The following MID1 variants were observed in gnomAD, a reference collection of about 807,000 sequenced individuals.
MID1 encodes the protein E3 ubiquitin-protein ligase Midline-1.
Under a neutral mutation model 40.4 loss-of-function variants are expected in MID1, and 7 were observed. The ratio of observed to expected loss-of-function variants is 0.17; its 90% CI spans 0.10 to 0.33. The LOEUF is 0.33. MID1 is among the 10% of genes least tolerant of loss of function. MID1 has a pLI of 1.00. For synonymous variants in MID1, 229 were observed against 221.2 expected (o/e 1.04, Z -0.31); for missense variants, 367 against 558.5 (o/e 0.66, Z 3.46).
intron 1 of MID1, among the ~76,000 whole-genome samples, chrX:10,793,812 G>A (rs1305550452): frequency 1.8e-5 from 2 of 111,912 alleles, no homozygotes; most frequent in Non-Finnish European, 3.8e-5. Flanking sequence ...TGTCATTCAG[G>A]TCACCTCCAC....
rs190166506 is a variant in MID1 at position 10,465,005 on chromosome X, G to A, written c.1285+4692C>T. 9.8e-4 allele frequency among the ~76,000 whole-genome samples: 107 copies of A among 108,735 alleles called. 1 individual carries two copies. The highest frequency in any genetic ancestry group is 3.4e-3 in the African/African-American group (101 of 29,827). 94.4% of individuals were successfully genotyped at this position (108,735 alleles called of 115,157 possible). A position where few individuals can be genotyped will look rare whatever the true frequency, so the allele number is the denominator to read the frequency against. ...TTGAGACCAGCCTGGCCAACATGGC[G>A]AAATCCCATCTCTACTAAAAATACA... is the stretch of plus-strand genomic sequence containing the variant. On this transcript the variant is annotated intron_variant, in intron 7 of 9. Coordinates refer to ENST00000317552, the MANE Select transcript of MID1 (RefSeq NM_000381.4).
At chrX:10,718,264 T>A (rs1367320114) in intron 1 of MID1, among the ~76,000 whole-genome samples, 1 of 111,643 alleles carries the variant, frequency 9.0e-6, no homozygotes, top group Non-Finnish European at 1.9e-5. Flanking sequence ...AGGAGCTGGT[T>A]TTTTGAAAAG....
intron 1 of MID1, among the ~76,000 whole-genome samples, chrX:10,682,163 G>A (rs2043065548): frequency 9.0e-6 from 1 of 110,760 alleles, no homozygotes. Flanking sequence ...GTTAATATTG[G>A]TTATATTTCT....
rs189321212 is a variant in MID1, at chrX:10,748,038, T to C, written c.-187+85516A>G. ...GATCCATTTAGTGAGCTGGAGATGA[T>C]AATGGTTCATGAGATGCTAGCAGCC... On this transcript the variant is annotated intron_variant, in intron 1 of 10. Transcript: ENST00000380785. Among the ~76,000 whole-genome samples the C allele has an allele frequency of 4.1e-3, 456 of 111,266 alleles. 2 individuals carry two copies. Among genetic ancestry groups the C allele is most frequent in the African/African-American group, 0.014 (425 of 30,600 alleles).
intron 1 of MID1, among the ~76,000 whole-genome samples, chrX:10,817,454 T>G (rs1052486376): frequency 2.7e-5 from 3 of 111,099 alleles, no homozygotes; most frequent in African/African-American, 9.8e-5. Flanking sequence ...ACTCCTACAG[T>G]CAACCCTAGG....
At chrX:10,524,929 G>A in intron 2 of MID1, among the ~76,000 whole-genome samples, 1 of 112,109 alleles carries the variant, frequency 8.9e-6, no homozygotes, top group East Asian at 2.8e-4. Context: ...GAGAGGTTGA[G>A]AGGGCAAAAG....
chrX:10,832,241 T>C (rs895272442), intron 1 of MID1, among the ~76,000 whole-genome samples: 2 of 112,487 alleles, frequency 1.8e-5, no homozygotes, highest in African/African-American at 6.5e-5. Flanking sequence ...AAGTTATGCT[T>C]TCTAGAGTCA....
intron 1 of MID1, among the ~76,000 whole-genome samples, chrX:10,626,877 G>C (rs1936001212): frequency 9.0e-6 from 1 of 111,660 alleles, no homozygotes; most frequent in African/African-American, 3.3e-5. Flanking sequence ...ATTGGGATGA[G>C]GAGGGCTAAT....
intron 1 of MID1, among the ~76,000 whole-genome samples, chrX:10,689,543 A>G (rs1013897618): frequency 7.2e-5 from 8 of 111,574 alleles, no homozygotes; most frequent in Non-Finnish European, 1.5e-4. Flanking sequence ...ATCTATGTAT[A>G]TTTATACCTA....
chrX:10,685,352 T>C (rs1384851002), intron 1 of MID1, among the ~76,000 whole-genome samples: 1 of 111,995 alleles, frequency 8.9e-6, no homozygotes, highest in Non-Finnish European at 1.9e-5. Context: ...AGGCTAGCCA[T>C]AGAAACTAGA....
intron 1 of MID1, among the ~76,000 whole-genome samples, chrX:10,830,555 A>T (rs1396652383): frequency 4.4e-5 from 5 of 112,725 alleles, no homozygotes; most frequent in Non-Finnish European, 1.9e-5. Flanking sequence ...CCAGTGATAG[A>T]AATGCTGTGT....
intron 9 of MID1, among the ~76,000 whole-genome samples, chrX:10,451,716 C>T (rs779660879): frequency 1.7e-4 from 19 of 111,190 alleles, no homozygotes; most frequent in Non-Finnish European, 2.6e-4. Flanking sequence ...GGTTTTAAAA[C>T]GGGGGAGTTT....
chrX:10,678,878 A>C (rs1358607210), intron 1 of MID1, among the ~76,000 whole-genome samples: 1 of 112,031 alleles, frequency 8.9e-6, no homozygotes, highest in Non-Finnish European at 1.9e-5. Context: ...GGTTTGGCTC[A>C]TACACCATTG....
chrX:10,456,073 GC>G (rs1419088772), intron 8 of MID1, among the ~76,000 whole-genome samples: 1 of 112,351 alleles, frequency 8.9e-6, no homozygotes, highest in Non-Finnish European at 1.9e-5. Flanking sequence ...GTTGCAGTTG[GC>G]AGGTTCCTTC....
chrX:10,759,414 C>T (rs980089594), intron 1 of MID1, among the ~76,000 whole-genome samples: 1 of 111,469 alleles, frequency 9.0e-6, no homozygotes, highest in Non-Finnish European at 1.9e-5. Flanking sequence ...CACATAGGCG[C>T]ACAAATCTGG....
intron 1 of MID1, among the ~76,000 whole-genome samples, chrX:10,606,958 C>T (rs1043102608): frequency 9.0e-6 from 1 of 111,638 alleles, no homozygotes; most frequent in African/African-American, 3.3e-5. Flanking sequence ...GTCTCAAACT[C>T]CCTGGCTCAA....
intron 1 of MID1, among the ~76,000 whole-genome samples, chrX:10,636,785 G>GAGAT (rs757390504): frequency 9.4e-5 from 4 of 42,719 alleles, no homozygotes; most frequent in Non-Finnish European, 1.6e-4. Context: ...CAACAATGGG[G>GAGAT]ATATATATAT....
At chrX:10,820,867 C>T (rs1056549261) in intron 1 of MID1, among the ~76,000 whole-genome samples, 2 of 112,540 alleles carry the variant, frequency 1.8e-5, no homozygotes, top group Admixed American at 1.9e-4. Flanking sequence ...AACTCATTTT[C>T]TGAAACAGGC....
intron 1 of MID1, among the ~76,000 whole-genome samples, chrX:10,727,420 C>T (rs937717488): frequency 1.2e-4 from 13 of 112,765 alleles, no homozygotes; most frequent in African/African-American, 4.2e-4. Flanking sequence ...TGCCCAGCCT[C>T]ATCATTATGA....
Sources: allele counts gnomAD v4.1 joint callset (sites outside exome capture counted in the v4.1 genomes callset), GRCh38; gene constraint gnomAD v4.1.1; transcripts MANE v1.5; gene names NCBI Gene and HGNC (gene_info 2026-07-23, HGNC 2026-07-21).